Variants in NR3C2 observed in about 807,000 individuals in gnomAD.
NR3C2 encodes mineralocorticoid receptor.
NR3C2 carries 15 observed loss-of-function variants against 86.4 expected under a neutral mutation model. The observed-to-expected ratio is 0.17, with a 90% CI of 0.12 to 0.27. NR3C2 has a LOEUF of 0.27. NR3C2 is among the 10% of genes least tolerant of loss of function. NR3C2 has a pLI of 1.00. For missense variants in NR3C2, 960 were observed against 1,195.6 expected (o/e 0.80, Z 2.91); for synonymous variants, 458 against 450.5 (o/e 1.02, Z -0.21).
intron 8 of NR3C2, among the ~76,000 whole-genome samples, chr4:148,093,293 C>T (rs1034007257): frequency 3.9e-5 from 6 of 152,202 alleles, no homozygotes; most frequent in African/African-American, 1.4e-4. Flanking sequence ...CGGCCACTCC[C>T]CGCTCTCCCT....
At chr4:148,341,470 G>A (rs762382069) in intron 2 of NR3C2, among the ~76,000 whole-genome samples, 2 of 152,118 alleles carry the variant, frequency 1.3e-5, no homozygotes, top group South Asian at 2.1e-4. Flanking sequence ...GAGAGGGAAC[G>A]ACGAAGAGAG....
intron 8 of NR3C2, among the ~76,000 whole-genome samples, chr4:148,097,815 A>C (rs1466694556): frequency 1.4e-5 from 2 of 144,744 alleles, no homozygotes; most frequent in African/African-American, 2.6e-5. Flanking sequence ...TGTGCAGCCC[A>C]AGACAATTCT....
chr4:148,189,455 G>A (rs1736094690), intron 4 of NR3C2, among the ~76,000 whole-genome samples: 1 of 152,152 alleles, frequency 6.6e-6, no homozygotes, highest in Non-Finnish European at 1.5e-5. Flanking sequence ...ATTTTGTTAA[G>A]AATTTTAGCA....
At chr4:148,155,925 T>C (rs990418281) in intron 4 of NR3C2, among the ~76,000 whole-genome samples, 2 of 152,030 alleles carry the variant, frequency 1.3e-5, no homozygotes, top group Non-Finnish European at 2.9e-5. Context: ...TATAGATCAA[T>C]GGAACAGAAC....
At chr4:148,123,773 CTTAAG>C (rs1475598689) in intron 6 of NR3C2, among the ~76,000 whole-genome samples, 3 of 152,214 alleles carry the variant, frequency 2.0e-5, no homozygotes, top group African/African-American at 7.2e-5. Flanking sequence ...GTTTTTACAC[CTTAAG>C]TTATCATTGT....
chr4:148,443,195 T>C (rs991246864), upstream of NR3C2, among the ~76,000 whole-genome samples: 17 of 122,560 alleles, frequency 1.4e-4, no homozygotes, highest in Admixed American at 1.7e-3. Context: ...AACACAGCTT[T>C]CCTCCCATCC....
At chr4:148,437,929 A>T (rs1750155872) in intron 1 of NR3C2, among the ~76,000 whole-genome samples, 1 of 152,240 alleles carries the variant, frequency 6.6e-6, no homozygotes, top group South Asian at 2.1e-4. Flanking sequence ...CAGAATCTTC[A>T]TAATAGGCTA....
At chr4:148,426,753 A>G (rs930242327) in intron 2 of NR3C2, among the ~76,000 whole-genome samples, 3 of 152,088 alleles carry the variant, frequency 2.0e-5, no homozygotes, top group East Asian at 1.9e-4. Context: ...AACCACAATT[A>G]CTTTTGCACC....
intron 2 of NR3C2, among the ~76,000 whole-genome samples, chr4:148,358,628 T>C (rs1341862173): frequency 3.8e-4 from 2 of 5,264 alleles, no homozygotes; most frequent in East Asian, 0.048. Flanking sequence ...TAATAACAAA[T>C]AAAAAATAAA....
chr4:148,383,076 A>C (rs1039999347), intron 2 of NR3C2, among the ~76,000 whole-genome samples: 1 of 152,206 alleles, frequency 6.6e-6, no homozygotes, highest in Non-Finnish European at 1.5e-5. Context: ...CACTCAAAAT[A>C]ATCTCAAAAT....
chr4:148,117,138 CG>C (rs756740436), intron 7 of NR3C2, among the ~76,000 whole-genome samples: 2 of 152,068 alleles, frequency 1.3e-5, no homozygotes, highest in South Asian at 2.1e-4. Flanking sequence ...ACAAGAGCAG[CG>C]GGAGATGGGG....
chr4:148,339,885 G>A (rs1410414997), intron 2 of NR3C2, among the ~76,000 whole-genome samples: 1 of 152,030 alleles, frequency 6.6e-6, no homozygotes, highest in Admixed American at 6.6e-5. Flanking sequence ...AAAAAAATCA[G>A]TAGCACTTAT....
chr4:148,379,854 T>C (rs182144971), intron 2 of NR3C2, among the ~76,000 whole-genome samples: 74 of 147,140 alleles, frequency 5.0e-4, no homozygotes, highest in African/African-American at 1.3e-3. Context: ...ATTAAGTCCA[T>C]ATTTCAGTTT....
intron 3 of NR3C2, among the ~76,000 whole-genome samples, chr4:148,231,024 T>A (rs1464859045): frequency 6.6e-6 from 1 of 152,232 alleles, no homozygotes; most frequent in Non-Finnish European, 1.5e-5. Context: ...CTGCTTTTTA[T>A]TCTTAGTACC....
At chr4:148,099,342 C>A (rs544853917) in intron 8 of NR3C2, among the ~76,000 whole-genome samples, 1 of 152,294 alleles carries the variant, frequency 6.6e-6, no homozygotes, top group African/African-American at 2.4e-5. Context: ...CAGAGTGACA[C>A]CTAACCTATC....
chr4:148,167,270 A>T (rs1734921012), intron 4 of NR3C2, among the ~76,000 whole-genome samples: 1 of 152,188 alleles, frequency 6.6e-6, no homozygotes, highest in South Asian at 2.1e-4. Context: ...TTCACTGCTG[A>T]CTTAGAATAA....
At chr4:148,090,003 G>A (rs7683313) in intron 8 of NR3C2, among the ~76,000 whole-genome samples, 8,872 of 152,248 alleles carry the variant, frequency 0.058, 855 homozygotes, top group African/African-American at 0.2. Flanking sequence ...ACGAGTGTCT[G>A]GTGGCCACAC....
chr4:148,379,034 G>C (rs777843190), intron 2 of NR3C2, among the ~76,000 whole-genome samples: 2 of 151,978 alleles, frequency 1.3e-5, no homozygotes, highest in Non-Finnish European at 2.9e-5. Context: ...AACAAAGCAA[G>C]TTACAAAAGA....
chr4:148,179,259 A>G (rs1194626909), intron 4 of NR3C2, among the ~76,000 whole-genome samples: 1 of 151,600 alleles, frequency 6.6e-6, no homozygotes, highest in African/African-American at 2.4e-5. Flanking sequence ...AAGAGAAAGG[A>G]CAGTTCGGAT....
Sources: gnomAD v4.1 joint callset for allele counts (sites outside exome capture counted in the v4.1 genomes callset) on GRCh38, gnomAD v4.1.1 for gene constraint, MANE v1.5 for transcripts, NCBI Gene and HGNC (gene_info 2026-07-23, HGNC 2026-07-21) for gene names.